Variants in LDAH observed in about 807,000 individuals in gnomAD.
The protein encoded by LDAH is lipid droplet associated hydrolase, also known as lipid droplet-associated hydrolase.
LDAH carries 26 observed loss-of-function variants against 29.6 expected under a neutral mutation model. The ratio of observed to expected loss-of-function variants is 0.88; its 90% CI spans 0.64 to 1.22. The LOEUF (loss-of-function observed/expected upper bound fraction) is 1.22, where lower values mean the gene tolerates loss of function less well. Among genes scored for constraint, LDAH ranks in the 50% most tolerant of loss-of-function variants. The pLI, the probability that LDAH is intolerant of heterozygous loss-of-function variation, is 0.00. For synonymous variants in LDAH, 117 were observed against 133.0 expected, an observed-to-expected ratio of 0.88 and a Z score of 0.83; for missense variants, 344 against 387.3, an observed-to-expected ratio of 0.89 and a Z score of 0.94.
At chr2:20,800,917 C>G (rs1272371188) in intron 2 of LDAH, among the ~76,000 whole-genome samples, 1 of 152,112 alleles carries the variant, frequency 6.6e-6, no homozygotes, top group African/African-American at 2.4e-5. Flanking sequence ...TAGGCGTGAG[C>G]CATTGCACCT....
intron 4 of LDAH, among the ~76,000 whole-genome samples, chr2:20,764,707 T>G (rs1320105131): frequency 6.6e-6 from 1 of 152,196 alleles, no homozygotes. Context: ...CCAAATAGTT[T>G]GGTGATTTGT....
chr2:20,791,663 A>G (rs1356169671), intron 2 of LDAH, among the ~76,000 whole-genome samples: 1 of 152,182 alleles, frequency 6.6e-6, no homozygotes, highest in African/African-American at 2.4e-5. Flanking sequence ...AGGAAGAAAG[A>G]AGGGAGGAAG....
In LDAH at chr2:20,798,078, T is replaced by C. The variant is rs187100341; in HGVS notation, c.154+3232A>G. Reference sequence around the variant, plus strand: ...CTGAGTGTTGGAAAACAATGATTAATGCCCTCCATTAACGCCCTCCATTTT... The same window carrying C: ...CTGAGTGTTGGAAAACAATGATTAACGCCCTCCATTAACGCCCTCCATTTT... On this transcript the variant is annotated intron_variant, in intron 2 of 6. Transcript: ENST00000237822. Among the ~76,000 whole-genome samples, 26 of 152,322 alleles carry C rather than the reference T, an allele frequency of 1.7e-4. No individual in the cohort carries two copies. The East Asian group carries it at 5.0e-3, about 29-fold the overall frequency.
intron 3 of LDAH, among the ~76,000 whole-genome samples, chr2:20,775,224 T>C (rs1218124259): frequency 6.6e-6 from 1 of 152,212 alleles, no homozygotes; most frequent in African/African-American, 2.4e-5. Context: ...GACAGATTAA[T>C]AGTCACAAAC....
chr2:20,774,746 G>C (rs1180790929), intron 4 of LDAH, 64 bp downstream of exon 4: 21 of 1,487,720 alleles, frequency 1.4e-5, no homozygotes, highest in Non-Finnish European at 1.9e-5. Flanking sequence ...ACATAGGAAA[G>C]GTGAGGAGGA....
intron 6 of LDAH, among the ~76,000 whole-genome samples, chr2:20,688,828 C>CTTT (rs57543886): frequency 1.1e-4 from 12 of 111,982 alleles, no homozygotes; most frequent in Non-Finnish European, 1.6e-4. Context: ...TGGAGGTTTC[C>CTTT]TTTTTTTTTT....
intron 5 of LDAH, among the ~76,000 whole-genome samples, chr2:20,736,573 T>C (rs1666804020): frequency 6.6e-6 from 1 of 152,158 alleles, no homozygotes; most frequent in Non-Finnish European, 1.5e-5. Flanking sequence ...TATTTTAAAC[T>C]GAGTATTTTG....
At chr2:20,735,617 G>A (rs1205348195) in intron 5 of LDAH, among the ~76,000 whole-genome samples, 5 of 151,520 alleles carry the variant, frequency 3.3e-5, no homozygotes, top group Middle Eastern at 3.4e-3. Context: ...TTTTTTTCCA[G>A]TCAAGTTGAG....
intron 3 of LDAH, among the ~76,000 whole-genome samples, chr2:20,786,699 C>A (rs770583155): frequency 7.9e-5 from 12 of 152,078 alleles, no homozygotes; most frequent in Non-Finnish European, 1.6e-4. Context: ...GGGAAACATC[C>A]TATAATGTAA....
chr2:20,799,223 G>A (rs1419653174), intron 2 of LDAH, among the ~76,000 whole-genome samples: 1 of 152,064 alleles, frequency 6.6e-6, no homozygotes, highest in Non-Finnish European at 1.5e-5. Flanking sequence ...GTGAGACTCT[G>A]TCTAAACAAA....
chr2:20,715,963 G>A (rs1665148378), intron 5 of LDAH, among the ~76,000 whole-genome samples: 1 of 152,088 alleles, frequency 6.6e-6, no homozygotes, highest in East Asian at 1.9e-4. Flanking sequence ...GCAGCCAACA[G>A]ACACATGAAA....
chr2:20,689,259 C>G (rs1662818760), intron 6 of LDAH, among the ~76,000 whole-genome samples: 1 of 152,186 alleles, frequency 6.6e-6, no homozygotes, highest in African/African-American at 2.4e-5. Flanking sequence ...TGCAGAGGAC[C>G]TGCAACTTAC....
At chr2:20,770,774 C>T (rs1354206199) in intron 4 of LDAH, among the ~76,000 whole-genome samples, 2 of 152,120 alleles carry the variant, frequency 1.3e-5, no homozygotes, top group Non-Finnish European at 2.9e-5. Context: ...GTTGAAGGAG[C>T]CATCAATACC....
chr2:20,770,153 A>G (rs1275541048), intron 4 of LDAH, among the ~76,000 whole-genome samples: 1 of 152,220 alleles, frequency 6.6e-6, no homozygotes, highest in African/African-American at 2.4e-5. Context: ...CTGAAGGCAG[A>G]TAAGTAAGTA....
intron 4 of LDAH, among the ~76,000 whole-genome samples, chr2:20,743,882 CT>C (rs896996951): frequency 6.7e-6 from 1 of 149,596 alleles, no homozygotes; most frequent in African/African-American, 2.5e-5. Context: ...AGTCCTTATT[CT>C]TTTTTTTTCT....
At chr2:20,748,132 A>C (rs933724053) in intron 4 of LDAH, among the ~76,000 whole-genome samples, 8 of 152,184 alleles carry the variant, frequency 5.3e-5, no homozygotes, top group Non-Finnish European at 1.2e-4. Flanking sequence ...AAAGCATGAG[A>C]TCTTTCAACT....
At chr2:20,692,806 A>AT (rs1206414881) in intron 6 of LDAH, among the ~76,000 whole-genome samples, 1 of 152,090 alleles carries the variant, frequency 6.6e-6, no homozygotes, top group African/African-American at 2.4e-5. Flanking sequence ...CTGTTTTGTG[A>AT]TATAGTGCAG....
At chr2:20,706,389 T>C (rs1333181791) in intron 5 of LDAH, among the ~76,000 whole-genome samples, 1 of 152,166 alleles carries the variant, frequency 6.6e-6, no homozygotes, top group Non-Finnish European at 1.5e-5. Flanking sequence ...GAGCTACTTA[T>C]CCTCTAAACA....
chr2:20,696,693 T>TAG (rs1420431076), intron 6 of LDAH, among the ~76,000 whole-genome samples: 79 of 152,280 alleles, frequency 5.2e-4, no homozygotes, highest in Non-Finnish European at 1.0e-3. Flanking sequence ...ATGCATCCCT[T>TAG]ATGGCTTAGA....
Sources: gnomAD v4.1 joint callset for allele counts (sites outside exome capture counted in the v4.1 genomes callset) on GRCh38, gnomAD v4.1.1 for gene constraint, MANE v1.5 for transcripts, NCBI Gene and HGNC (gene_info 2026-07-23, HGNC 2026-07-21) for gene names.